The following KCNH5 variants were observed in gnomAD, a reference collection of about 807,000 sequenced individuals.
KCNH5 encodes potassium voltage-gated channel subfamily H member 5.
A neutral mutation model predicts 96.1 loss-of-function variants in KCNH5; 46 were observed. That is an observed-to-expected ratio of 0.48 (90% CI 0.38 to 0.61). The LOEUF is 0.61. Among genes scored for constraint, KCNH5 ranks in the 20% least tolerant of loss-of-function variants. The pLI is 0.00. For synonymous variants in KCNH5, 439 were observed against 449.8 expected, an observed-to-expected ratio of 0.98 and a Z score of 0.30; for missense variants, 907 against 1,225.8, an observed-to-expected ratio of 0.74 and a Z score of 3.88.
At position 62,849,642 on chromosome 14, in the gene KCNH5, A is replaced by T. The variant is rs773563243; in HGVS notation, c.1569+11T>A. ...AAATAGAAACTAAATAATAACAATA[A>T]TAACCCATACCTTTTCTGTATCAAT... On this transcript the variant is annotated intron_variant, in intron 8 of 10. Coordinates refer to ENST00000322893, the MANE Select transcript of KCNH5 (RefSeq NM_139318.5). The T allele has an allele frequency of 6.2e-7, 1 of 1,608,030 alleles. No homozygotes were observed. Among genetic ancestry groups the T allele is most frequent in the South Asian group, 1.1e-5 (1 of 90,850 alleles).
At chr14:62,738,971 A>C (rs777021761) in intron 10 of KCNH5, among the ~76,000 whole-genome samples, 1 of 152,172 alleles carries the variant, frequency 6.6e-6, no homozygotes, top group Non-Finnish European at 1.5e-5. Context: ...GGACTTCAAC[A>C]GGCAGAGAAA....
intron 7 of KCNH5, among the ~76,000 whole-genome samples, chr14:62,901,255 A>G (rs1457397799): frequency 6.6e-6 from 1 of 151,838 alleles, no homozygotes. Flanking sequence ...TTAGATTCAG[A>G]GGGTTCATGT....
Position 62,712,853 on chromosome 14 carries a change from C to T in KCNH5, c.2020-4398G>A, listed in dbSNP as rs1884601567. 4 of 659,564 alleles carry T rather than the reference C, an allele frequency of 6.1e-6. No individual in the cohort carries two copies. The Admixed American group carries it at 7.6e-5, about 12-fold the overall frequency. The allele number at this position is 659,564 out of a possible 1,614,324, so 40.9% of individuals were successfully genotyped here. On this transcript the variant is annotated intron_variant, in intron 10 of 10. Coordinates refer to ENST00000322893, the MANE Select transcript of KCNH5 (RefSeq NM_139318.5). The stretch of plus-strand genomic sequence containing the variant: ...AAAGCAGAGCCAGTAGGCTTAAACA[C>T]ATGCTACCATTTTGCAGCTTCTGGT...
Position 62,996,253 on chromosome 14 carries a change from G to A in KCNH5, c.433+5078C>T, listed in dbSNP as rs986529548. 3.3e-5 allele frequency among the ~76,000 whole-genome samples: 5 copies of A among 152,210 alleles called. No individual in the cohort carries two copies. In the East Asian group the frequency reaches 9.6e-4, roughly 29 times the overall value. On this transcript the variant is annotated intron_variant, in intron 4 of 10. Transcript: ENST00000322893. ...TTCTATTGAATTTTTCATGTTAAATGTACAGTTCACATGAATAATAGAAAG... is the reference window on the plus strand; with the variant it reads ...TTCTATTGAATTTTTCATGTTAAATATACAGTTCACATGAATAATAGAAAG...
intron 5 of KCNH5, among the ~76,000 whole-genome samples, chr14:62,986,136 T>C (rs1311811918): frequency 2.0e-5 from 3 of 152,156 alleles, no homozygotes; most frequent in Middle Eastern, 3.2e-3. Flanking sequence ...TCCTCACTGG[T>C]TTCCCTACCT....
intron 2 of KCNH5, among the ~76,000 whole-genome samples, chr14:63,008,977 G>A (rs1198518968): frequency 1.3e-5 from 2 of 151,806 alleles, no homozygotes; most frequent in East Asian, 3.9e-4. Context: ...TAATAAAGCA[G>A]AAACATTTTA....
chr14:62,901,199 G>GT (rs1312731280), intron 7 of KCNH5, among the ~76,000 whole-genome samples: 2 of 151,770 alleles, frequency 1.3e-5, no homozygotes, highest in Non-Finnish European at 2.9e-5. Flanking sequence ...ATTTTAAAAT[G>GT]TTTTTTATTT....
At chr14:62,963,959 T>A (rs1301414440) in intron 6 of KCNH5, among the ~76,000 whole-genome samples, 1 of 152,138 alleles carries the variant, frequency 6.6e-6, no homozygotes, top group Non-Finnish European at 1.5e-5. Context: ...ATATCCCTTT[T>A]TTCAACAATT....
intron 7 of KCNH5, among the ~76,000 whole-genome samples, chr14:62,936,307 A>C (rs1229728353): frequency 1.3e-5 from 2 of 152,196 alleles, no homozygotes; most frequent in African/African-American, 4.8e-5. Context: ...GCTTAGGATT[A>C]AAAAGACATG....
chr14:63,004,103 A>G (rs1224613845), intron 3 of KCNH5, among the ~76,000 whole-genome samples: 4 of 152,202 alleles, frequency 2.6e-5, no homozygotes, highest in African/African-American at 7.2e-5. Flanking sequence ...AATTGCTTAA[A>G]GGACGTATTG....
At chr14:62,910,899 C>CCACACACACACA (rs1555363113) in intron 7 of KCNH5, among the ~76,000 whole-genome samples, 457 of 140,348 alleles carry the variant, frequency 3.3e-3, no homozygotes, top group South Asian at 0.011. Context: ...TGTGCATACA[C>CCACACACACACA]CACACACACA....
chr14:62,719,024 A>G (rs1243384360), intron 10 of KCNH5, among the ~76,000 whole-genome samples: 1 of 152,218 alleles, frequency 6.6e-6, no homozygotes, highest in African/African-American at 2.4e-5. Flanking sequence ...ATCAGAGAGT[A>G]TATAAATGGC....
intron 7 of KCNH5, among the ~76,000 whole-genome samples, chr14:62,861,617 T>C (rs1212307730): frequency 6.9e-6 from 1 of 145,054 alleles, no homozygotes; most frequent in Non-Finnish European, 1.5e-5. Flanking sequence ...AAAGGCACAT[T>C]TCCCCCCACC....
In KCNH5 at chr14:62,702,902, T is replaced by G. The variant is rs973022130; in HGVS notation, c.*4606A>C. The stretch of plus-strand genomic sequence containing the variant: ...TGTGGAATCATATATCTTGAACAGG[T>G]CATGATTATTTTAATATAAAAAGTT... On this transcript the variant is annotated 3_prime_UTR_variant, in exon 11 of 11. Coordinates refer to ENST00000322893, the MANE Select transcript of KCNH5 (RefSeq NM_139318.5). The G allele has an allele frequency of 4.0e-5, 6 of 151,892 alleles. No individual in the cohort carries two copies. Among genetic ancestry groups the G allele is most frequent in the African/African-American group, 9.7e-5 (4 of 41,426 alleles). 9.4% of individuals were successfully genotyped at this position (151,892 alleles called of 1,614,324 possible). A position where few individuals can be genotyped will look rare whatever the true frequency, so the allele number is the denominator to read the frequency against.
chr14:62,993,522 T>C (rs1594664307), intron 4 of KCNH5, among the ~76,000 whole-genome samples: 1 of 152,060 alleles, frequency 6.6e-6, no homozygotes, highest in East Asian at 1.9e-4. Context: ...GAATTGATCA[T>C]TTGCTCCTTC....
At chr14:63,002,698 G>T (rs1891033339) in intron 3 of KCNH5, among the ~76,000 whole-genome samples, 2 of 152,214 alleles carry the variant, frequency 1.3e-5, no homozygotes, top group South Asian at 4.2e-4. Context: ...ATTTAGACAG[G>T]ATGAGATAAC....
At chr14:62,886,787 G>T (rs1484337142) in intron 7 of KCNH5, among the ~76,000 whole-genome samples, 1 of 152,036 alleles carries the variant, frequency 6.6e-6, no homozygotes, top group African/African-American at 2.4e-5. Context: ...GGTTTATAAA[G>T]CACTTTGAAA....
At chr14:62,762,971 T>A (rs1470862166) in intron 10 of KCNH5, among the ~76,000 whole-genome samples, 1 of 152,118 alleles carries the variant, frequency 6.6e-6, no homozygotes, top group East Asian at 1.9e-4. Flanking sequence ...ACTGATGGTA[T>A]TAGACAGATA....
In KCNH5 at chr14:63,001,369, G is replaced by GT; in HGVS notation, c.394dup (p.Thr132AsnfsTer10). On this transcript the variant is annotated frameshift_variant, in exon 4 of 11. Transcript: ENST00000322893. LOFTEE classifies it high-confidence loss of function. ...ATCCTCTATTGGCTGTTTGAACAAC[G>GT]TAATATCCTTGAAAGTACACAGGAA... 1 of 1,612,010 alleles carries GT rather than the reference G, an allele frequency of 6.2e-7. No individual in the cohort carries two copies. Among genetic ancestry groups the GT allele is most frequent in the Non-Finnish European group, 8.5e-7 (1 of 1,178,978 alleles).
Sources: allele counts gnomAD v4.1 joint callset (sites outside exome capture counted in the v4.1 genomes callset), GRCh38; gene constraint gnomAD v4.1.1; transcripts MANE v1.5; gene names NCBI Gene and HGNC (gene_info 2026-07-23, HGNC 2026-07-21).